Variants in PCDH7 observed in about 807,000 individuals in gnomAD.
The protein encoded by PCDH7 is protocadherin-7.
PCDH7 carries 17 observed loss-of-function variants against 58.9 expected under a neutral mutation model. That is an observed-to-expected ratio of 0.29 (90% confidence interval 0.20 to 0.43). The LOEUF (loss-of-function observed/expected upper bound fraction) is 0.43. Among genes scored for constraint, PCDH7 ranks in the 20% least tolerant of loss-of-function variants. The pLI is 1.00. For missense variants in PCDH7, 1,274 were observed against 1,441.0 expected (o/e 0.88, Z 1.88); for synonymous variants, 664 against 616.4 (o/e 1.08, Z -1.14).
At chr4:31,088,358 T>C (rs1244887574) in intron 3 of PCDH7, among the ~76,000 whole-genome samples, 1 of 152,036 alleles carries the variant, frequency 6.6e-6, no homozygotes, top group Non-Finnish European at 1.5e-5. Flanking sequence ...TATCAACAGA[T>C]TACAAGCTAC....
At chr4:31,069,529 A>T (rs1309829871) in intron 3 of PCDH7, among the ~76,000 whole-genome samples, 1 of 152,102 alleles carries the variant, frequency 6.6e-6, no homozygotes, top group East Asian at 1.9e-4. Flanking sequence ...GCTTAAAGAA[A>T]GTAAAAATAA....
At chr4:30,898,315 G>A (rs1049090298) in intron 1 of PCDH7, among the ~76,000 whole-genome samples, 2 of 152,072 alleles carry the variant, frequency 1.3e-5, no homozygotes, top group Non-Finnish European at 2.9e-5. Flanking sequence ...CACCCTTTCA[G>A]AGCCTTAGTT....
intron 3 of PCDH7, among the ~76,000 whole-genome samples, chr4:30,973,873 A>G: frequency 6.6e-6 from 1 of 152,148 alleles, no homozygotes; most frequent in East Asian, 1.9e-4. Flanking sequence ...ATACAACCTG[A>G]AATTTGGTGG....
chr4:31,093,636 A>T (rs1578777170), intron 3 of PCDH7, among the ~76,000 whole-genome samples: 1 of 152,062 alleles, frequency 6.6e-6, no homozygotes, highest in African/African-American at 2.4e-5. Flanking sequence ...TTGTTAACTT[A>T]AAACTTAAAC....
intron 3 of PCDH7, among the ~76,000 whole-genome samples, chr4:31,108,491 C>G (rs917243455): frequency 6.7e-6 from 1 of 149,074 alleles, no homozygotes; most frequent in Admixed American, 6.8e-5. Flanking sequence ...AAGTTAACTG[C>G]TAATTCGATG....
chr4:30,764,909 C>T (rs920683124), intron 1 of PCDH7, among the ~76,000 whole-genome samples: 2 of 151,902 alleles, frequency 1.3e-5, no homozygotes, highest in South Asian at 2.1e-4. Context: ...TTACTAGAGA[C>T]GAGGTTTCAC....
At chr4:30,889,677 A>G (rs1738350268) in intron 1 of PCDH7, among the ~76,000 whole-genome samples, 1 of 152,164 alleles carries the variant, frequency 6.6e-6, no homozygotes, top group African/African-American at 2.4e-5. Context: ...CCTGTTCTTC[A>G]TAGATCTTGC....
At chr4:30,901,316 T>A (rs2109394591) in intron 1 of PCDH7, among the ~76,000 whole-genome samples, 1 of 152,268 alleles carries the variant, frequency 6.6e-6, no homozygotes, top group East Asian at 1.9e-4. Flanking sequence ...GGAATAAGTA[T>A]ATATACCAAT....
intron 1 of PCDH7, among the ~76,000 whole-genome samples, chr4:30,796,339 A>C (rs1724767954): frequency 6.6e-6 from 1 of 152,196 alleles, no homozygotes; most frequent in African/African-American, 2.4e-5. Flanking sequence ...TCTGAATTTG[A>C]AATTGATAAG....
At chr4:31,032,460 T>C (rs1755009363) in intron 3 of PCDH7, among the ~76,000 whole-genome samples, 1 of 151,796 alleles carries the variant, frequency 6.6e-6, no homozygotes, top group African/African-American at 2.4e-5. Context: ...ATACAAAAAT[T>C]AGCTTGTTGT....
intron 3 of PCDH7, among the ~76,000 whole-genome samples, chr4:31,014,162 C>A (rs546980419): frequency 6.6e-6 from 1 of 151,760 alleles, no homozygotes; most frequent in African/African-American, 2.4e-5. Context: ...AAGGAAGTGG[C>A]CTATTTAAAT....
intron 1 of PCDH7, among the ~76,000 whole-genome samples, chr4:30,837,668 T>A (rs12509289): frequency 0.27 from 40,963 of 151,608 alleles, 6,406 homozygotes; most frequent in African/African-American, 0.43. Flanking sequence ...ATTTTTCCTT[T>A]ACGTACCGAC....
At chr4:30,785,079 A>G (rs904007414) in intron 1 of PCDH7, among the ~76,000 whole-genome samples, 1 of 152,060 alleles carries the variant, frequency 6.6e-6, no homozygotes, top group Non-Finnish European at 1.5e-5. Flanking sequence ...TTGCCTTCAT[A>G]GACCACATGG....
chr4:30,820,394 C>T (rs760995969), intron 1 of PCDH7, among the ~76,000 whole-genome samples: 11 of 152,084 alleles, frequency 7.2e-5, no homozygotes, highest in East Asian at 1.9e-4. Flanking sequence ...TTAAACTGAA[C>T]GGTTCTTCAT....
intron 1 of PCDH7, among the ~76,000 whole-genome samples, chr4:30,897,614 G>C (rs1739618503): frequency 6.6e-6 from 1 of 152,150 alleles, no homozygotes; most frequent in African/African-American, 2.4e-5. Context: ...AAGAGGAATA[G>C]AGTTCTATAA....
Position 30,722,218 on chromosome 4 carries a change from C to A in PCDH7, c.796C>A (p.Leu266Met). The change falls in exon 1 of 2, where the codon CTG becomes ATG. Residue 266 changes from leucine to methionine, a missense_variant. By Grantham distance (15) the Leu-to-Met change is conservative (BLOSUM62 2). Around this residue, in one of 3 missense-constraint regions of PCDH7, gnomAD observed 331 missense variants for 303.2 expected, o/e 1.09. Coordinates refer to ENST00000361762, the Ensembl canonical transcript of PCDH7. This position sits in a 1 kb window ranked among gnomAD's most constrained non-coding sequence, Gnocchi z 7.6. ...GCCGCAGCTGATCGTGAAGGGGGCG[C>A]TGGACCGCGAGCAGCGCGACTCCTA... 6.3e-7 allele frequency: 1 copy of A among 1,590,770 alleles called. No individual in the cohort carries two copies. Among genetic ancestry groups the A allele is most frequent in the Non-Finnish European group, 8.6e-7 (1 of 1,169,542 alleles).
chr4:31,051,357 A>G (rs1347859645), intron 3 of PCDH7, among the ~76,000 whole-genome samples: 2 of 152,142 alleles, frequency 1.3e-5, no homozygotes, highest in African/African-American at 4.8e-5. Context: ...CCTGAAGGTT[A>G]ACCAGTGTTT....
At chr4:30,956,920 A>G (rs992082730) in intron 3 of PCDH7, among the ~76,000 whole-genome samples, 1 of 152,224 alleles carries the variant, frequency 6.6e-6, no homozygotes, top group Non-Finnish European at 1.5e-5. Flanking sequence ...ACAGAAAAAC[A>G]CTAGGTAGCA....
intron 3 of PCDH7, among the ~76,000 whole-genome samples, chr4:30,990,543 A>G (rs559152166): frequency 6.6e-6 from 1 of 152,240 alleles, no homozygotes; most frequent in South Asian, 2.1e-4. Flanking sequence ...TTTCTTTTAT[A>G]TATGGTACAA....
Sources: allele counts gnomAD v4.1 joint callset (sites outside exome capture counted in the v4.1 genomes callset), GRCh38; gene constraint gnomAD v4.1.1; regional missense constraint gnomAD v4.1.1; non-coding constraint Gnocchi (gnomAD v3.1); transcripts MANE v1.5; gene names NCBI Gene and HGNC (gene_info 2026-07-23, HGNC 2026-07-21).